Variants in ACAD10 observed in about 807,000 individuals in gnomAD.
ACAD10 encodes the protein ACAD-10.
ACAD10 carries 112 observed loss-of-function variants against 116.8 expected under a neutral mutation model. The ratio of observed to expected loss-of-function variants is 0.96; its 90% confidence interval spans 0.82 to 1.12. The LOEUF is 1.12. ACAD10 is among the 50% of genes most tolerant of loss of function. The probability of loss-of-function intolerance (pLI) is 0.00; values close to 1 mark genes in which losing one functional copy is unlikely to be tolerated. For missense variants in ACAD10, 1,259 were observed against 1,350.2 expected, an observed-to-expected ratio of 0.93 and a Z score of 1.06; for synonymous variants, 486 against 510.6, an observed-to-expected ratio of 0.95 and a Z score of 0.65.
chr12:111,756,228 C>T (rs1023184613), intron 20 of ACAD10, 105 bp from the exon 21 acceptor site: 25 of 1,459,792 alleles, frequency 1.7e-5, no homozygotes, highest in Admixed American at 5.7e-5. Context: ...CAGGGAAGTC[C>T]GGGAAGATGG....
chr12:111,752,731 G>T (rs1478354531), intron 18 of ACAD10: 1 of 151,970 alleles, frequency 6.6e-6, no homozygotes, highest in Non-Finnish European at 1.5e-5. Flanking sequence ...TTAACTAGTG[G>T]TGACTAGATG....
chr12:111,743,500 C>A (rs1448104543), intron 12 of ACAD10, among the ~76,000 whole-genome samples: 1 of 151,774 alleles, frequency 6.6e-6, no homozygotes, highest in Non-Finnish European at 1.5e-5. Flanking sequence ...CCATGCCTGG[C>A]TAATTTTTGT....
At chr12:111,711,358 G>A (rs1212613117) in intron 5 of ACAD10, among the ~76,000 whole-genome samples, 1 of 145,762 alleles carries the variant, frequency 6.9e-6, no homozygotes, top group Non-Finnish European at 1.5e-5. Flanking sequence ...CCACTACCAC[G>A]CCCAGCTAAT....
chr12:111,749,277 G>C lies in ACAD10; in HGVS notation c.2749G>C (p.Gly917Arg), dbSNP rs777137964. The change falls in exon 18 of 21, where the codon GGC becomes CGC. Residue 917 changes from glycine (G) to arginine (R), a missense_variant. Transcript: ENST00000313698. ...GATCGCCCAGGGCAGACTGGGCCCC[G>C]GCAGGATCCATCACTGCATGAGGCT... is the stretch of plus-strand genomic sequence containing the variant. ...FEIAQGRLGP[G>R]RIHHCMRLIG... 42 of 1,613,908 alleles carry C rather than the reference G, an allele frequency of 2.6e-5. No individual in the cohort carries two copies. Among genetic ancestry groups the C allele is most frequent in the Non-Finnish European group, 3.5e-5 (41 of 1,180,020 alleles).
rs1441478435 is a variant in ACAD10, at chr12:111,728,156, C to T, written c.1243+13C>T. 1.3e-6 allele frequency: 2 copies of T among 1,582,330 alleles called. No homozygotes were observed. Among genetic ancestry groups the T allele is most frequent in the Non-Finnish European group, 8.6e-7 (1 of 1,163,784 alleles). On this transcript the variant is annotated intron_variant, in intron 9 of 20. Coordinates refer to ENST00000313698, the MANE Select transcript of ACAD10 (RefSeq NM_025247.6). Reference sequence around the variant, plus strand: ...TATGGGAAGCAAGGTGAGCAGGAGGCCACGTCTCCCATGCTGGTTGTTTCA... The same window carrying T: ...TATGGGAAGCAAGGTGAGCAGGAGGTCACGTCTCCCATGCTGGTTGTTTCA...
At position 111,753,872 on chromosome 12, in the gene ACAD10, TG is replaced by T; in HGVS notation, c.2920del (p.Val974CysfsTer2). ...SRVEIEQARL[L>X]VLRAAHLMDL... ...GTGGAGATTGAGCAGGCACGGCTGC[TG>T]GTGCTGAGAGCTGCCCACCTCATGG... is the stretch of plus-strand genomic sequence containing the variant. On this transcript the variant is annotated frameshift_variant, in exon 19 of 21. Transcript: ENST00000313698. LOFTEE classifies it high-confidence loss of function. 1 of 1,612,692 alleles carries T rather than the reference TG, an allele frequency of 6.2e-7. No homozygotes were observed. Among genetic ancestry groups the T allele is most frequent in the Non-Finnish European group, 8.5e-7 (1 of 1,179,380 alleles).
intron 2 of ACAD10, among the ~76,000 whole-genome samples, chr12:111,694,441 A>T (rs961945394): frequency 7.2e-5 from 11 of 152,140 alleles, no homozygotes; most frequent in African/African-American, 2.7e-4. Context: ...GTGAGACCCT[A>T]TGGTGAGCTA....
At chr12:111,707,891 T>C (rs1888558597) in intron 4 of ACAD10, among the ~76,000 whole-genome samples, 2 of 152,172 alleles carry the variant, frequency 1.3e-5, no homozygotes, top group Non-Finnish European at 2.9e-5. Flanking sequence ...TTTCATTGAG[T>C]ATGTCTAGTT....
At chr12:111,736,186 T>TG (rs1889556971) in intron 11 of ACAD10, among the ~76,000 whole-genome samples, 1 of 87,160 alleles carries the variant, frequency 1.1e-5, no homozygotes, top group Non-Finnish European at 2.3e-5. Context: ...CAGCCAATTG[T>TG]TTTTTTTTTT....
intron 2 of ACAD10, among the ~76,000 whole-genome samples, chr12:111,694,252 C>G (rs1190215264): frequency 1.3e-5 from 2 of 152,210 alleles, no homozygotes; most frequent in Non-Finnish European, 2.9e-5. Flanking sequence ...GCCTGAGCCT[C>G]TCTGTTCCTT....
chr12:111,747,792 G>C, intron 16 of ACAD10: 1 of 1,020,770 alleles, frequency 9.8e-7, no homozygotes, highest in South Asian at 3.9e-5. Context: ...TACTTTTGCA[G>C]GGCCCCTACA....
At chr12:111,718,771 G>C (rs776635483) in intron 7 of ACAD10, among the ~76,000 whole-genome samples, 14 of 151,998 alleles carry the variant, frequency 9.2e-5, no homozygotes, top group African/African-American at 1.4e-4. Flanking sequence ...GAGCCTCTGC[G>C]CCTGGCCTGT....
chr12:111,715,460 A>C (rs920963537), intron 6 of ACAD10: 5 of 253,392 alleles, frequency 2.0e-5, no homozygotes, highest in Non-Finnish European at 3.9e-5. Flanking sequence ...CCATTTGGCA[A>C]GATGGGTTGC....
At chr12:111,743,317 G>A (rs1414190077) in intron 12 of ACAD10, among the ~76,000 whole-genome samples, 2 of 152,054 alleles carry the variant, frequency 1.3e-5, no homozygotes, top group Non-Finnish European at 2.9e-5. Flanking sequence ...AGGGGGGCAG[G>A]GGTTGAGTAC....
chr12:111,722,860 C>T (rs1318173052), intron 8 of ACAD10, among the ~76,000 whole-genome samples: 1 of 152,186 alleles, frequency 6.6e-6, no homozygotes, highest in Non-Finnish European at 1.5e-5. Context: ...TTCCACAAAG[C>T]CGCCATTGTC....
intron 9 of ACAD10, among the ~76,000 whole-genome samples, chr12:111,728,681 G>C (rs1032698314): frequency 1.3e-5 from 2 of 151,886 alleles, no homozygotes; most frequent in African/African-American, 4.8e-5. Flanking sequence ...TTTCAACAGG[G>C]ATAGTTTTTT....
rs1278346216 is a variant in ACAD10 at position 111,707,285 on chromosome 12, T to A, written c.531+1353T>A. On this transcript the variant is annotated intron_variant, in intron 4 of 20. Transcript: ENST00000313698. ...TGTGTTTTTTATGAATATTAGAGACTGGGTTTCACCCTGTTGGCCAGGGTG... is the reference window on the plus strand; with the variant it reads ...TGTGTTTTTTATGAATATTAGAGACAGGGTTTCACCCTGTTGGCCAGGGTG... 2.8e-5 allele frequency among the ~76,000 whole-genome samples: 4 copies of A among 143,026 alleles called. No homozygotes were observed. In the Admixed American group the frequency reaches 2.8e-4, roughly 10 times the overall value. 93.8% of individuals were successfully genotyped at this position (143,026 alleles called of 152,430 possible).
At chr12:111,726,110 T>C (rs1418856415) in intron 8 of ACAD10, among the ~76,000 whole-genome samples, 1 of 151,880 alleles carries the variant, frequency 6.6e-6, no homozygotes, top group Non-Finnish European at 1.5e-5. Context: ...AGAAATTAGC[T>C]GGGCATGGTG....
Position 111,724,125 on chromosome 12 carries a change from CG to C in ACAD10, c.1061+2387del, listed in dbSNP as rs1889140590. On this transcript the variant is annotated intron_variant, in intron 8 of 20. Transcript: ENST00000313698. ...AGATGGGATGGCGTCTGGGCGGATACGCTCCTCACTTTCCAGACTGGGCAGC... is the reference window on the plus strand; with the variant it reads ...AGATGGGATGGCGTCTGGGCGGATACCTCCTCACTTTCCAGACTGGGCAGC... Among the ~76,000 whole-genome samples, 3 of 148,994 alleles carry C rather than the reference CG, an allele frequency of 2.0e-5. No homozygotes were observed. In the South Asian group the frequency reaches 6.4e-4, roughly 32 times the overall value.
Sources: gnomAD v4.1 joint callset for allele counts (sites outside exome capture counted in the v4.1 genomes callset) on GRCh38, gnomAD v4.1.1 for gene constraint, MANE v1.5 for transcripts, NCBI Gene and HGNC (gene_info 2026-07-23, HGNC 2026-07-21) for gene names.